Variants in RSPO2 observed in about 807,000 individuals in gnomAD.
RSPO2 encodes the protein R-spondin-2.
RSPO2 carries 14 observed loss-of-function variants against 30.9 expected under a neutral mutation model. That is an observed-to-expected ratio of 0.45 (90% confidence interval 0.30 to 0.71). The LOEUF is 0.71. Among genes scored for constraint, RSPO2 ranks in the 30% least tolerant of loss-of-function variants. RSPO2 has a pLI of 0.08. For missense variants in RSPO2, 264 were observed against 301.9 expected (o/e 0.87, Z 0.93); for synonymous variants, 107 against 96.4 (o/e 1.11, Z -0.64).
intron 2 of RSPO2, among the ~76,000 whole-genome samples, chr8:108,000,828 T>C (rs953735785): frequency 2.6e-5 from 4 of 152,098 alleles, no homozygotes; most frequent in South Asian, 2.1e-4. Flanking sequence ...AGTGAAACCC[T>C]GTCTCTACTA....
At chr8:107,987,815 T>A (rs1464071599) in intron 3 of RSPO2, among the ~76,000 whole-genome samples, 3 of 152,204 alleles carry the variant, frequency 2.0e-5, no homozygotes, top group Non-Finnish European at 4.4e-5. Flanking sequence ...TTCAAACTCT[T>A]CTCATCTAAA....
intron 2 of RSPO2, among the ~76,000 whole-genome samples, chr8:108,064,629 T>C (rs1224905288): frequency 6.6e-6 from 1 of 152,146 alleles, no homozygotes; most frequent in Non-Finnish European, 1.5e-5. Context: ...TCCTCAAGGA[T>C]CTAGAACTAG....
intron 2 of RSPO2, among the ~76,000 whole-genome samples, chr8:108,037,962 T>C (rs771251722): frequency 2.6e-5 from 4 of 152,158 alleles, no homozygotes; most frequent in Admixed American, 2.6e-4. Context: ...TAACACAAGA[T>C]CCATTATGTA....
At chr8:107,993,737 C>T (rs1221726620) in intron 2 of RSPO2, among the ~76,000 whole-genome samples, 1 of 152,148 alleles carries the variant, frequency 6.6e-6, no homozygotes, top group African/African-American at 2.4e-5. Flanking sequence ...ATCGTATCAG[C>T]AGGGCGTGCT....
intron 2 of RSPO2, among the ~76,000 whole-genome samples, chr8:108,027,671 A>G (rs556012149): frequency 6.6e-6 from 1 of 152,192 alleles, no homozygotes; most frequent in South Asian, 2.1e-4. Flanking sequence ...TTGAATTCTA[A>G]ATAACTCTTT....
chr8:108,045,757 T>C (rs1475800937), intron 2 of RSPO2, among the ~76,000 whole-genome samples: 1 of 152,146 alleles, frequency 6.6e-6, no homozygotes, highest in Non-Finnish European at 1.5e-5. Flanking sequence ...TACTGATACA[T>C]ACATCTGAAA....
At chr8:107,987,769 C>A (rs1237434693) in intron 3 of RSPO2, among the ~76,000 whole-genome samples, 1 of 152,170 alleles carries the variant, frequency 6.6e-6, no homozygotes, top group African/African-American at 2.4e-5. Context: ...CTAGTTCTGC[C>A]ACCTTCCAAA....
intron 5 of RSPO2, among the ~76,000 whole-genome samples, chr8:107,932,320 A>C (rs576460629): frequency 6.6e-6 from 1 of 152,274 alleles, no homozygotes; most frequent in South Asian, 2.1e-4. Context: ...ATAATCTCGG[A>C]GGAGTTTCGG....
chr8:107,985,767 T>C (rs1814602719), intron 3 of RSPO2, among the ~76,000 whole-genome samples: 1 of 152,208 alleles, frequency 6.6e-6, no homozygotes, highest in South Asian at 2.1e-4. Flanking sequence ...ACATCTAACA[T>C]AGTATCAGGG....
chr8:107,954,300 G>C (rs1308392656), intron 5 of RSPO2, among the ~76,000 whole-genome samples: 1 of 152,110 alleles, frequency 6.6e-6, no homozygotes, highest in Non-Finnish European at 1.5e-5. Flanking sequence ...TCTTCCATGT[G>C]TCATTTAAAT....
At chr8:108,036,912 C>A (rs1331236959) in intron 2 of RSPO2, among the ~76,000 whole-genome samples, 1 of 152,180 alleles carries the variant, frequency 6.6e-6, no homozygotes, top group African/African-American at 2.4e-5. Context: ...AAAAACTGCA[C>A]CCACATAAGA....
chr8:108,030,119 G>GAAA lies in RSPO2; in HGVS notation c.95-40878_95-40876dup, dbSNP rs11434221. ...GAAAGTAGGGTCCTGGGATAGATAGGAAAAAAAAAAAAAAAAAAAAAAAAG... is the reference window on the plus strand; with the variant it reads ...GAAAGTAGGGTCCTGGGATAGATAGGAAAAAAAAAAAAAAAAAAAAAAAAAAAG... On this transcript the variant is annotated intron_variant, in intron 2 of 5. Coordinates refer to ENST00000276659, the MANE Select transcript of RSPO2 (RefSeq NM_178565.5). 5.8e-3 allele frequency among the ~76,000 whole-genome samples: 409 copies of GAAA among 70,942 alleles called. 16 individuals are homozygous for GAAA. The highest frequency in any genetic ancestry group is 0.014 in the African/African-American group (281 of 20,022). 46.5% of individuals were successfully genotyped at this position (70,942 alleles called of 152,430 possible). A position where few individuals can be genotyped will look rare whatever the true frequency, so the allele number is the denominator to read the frequency against.
chr8:107,996,763 C>T (rs1815038432), intron 2 of RSPO2: 1 of 299,850 alleles, frequency 3.3e-6, no homozygotes, highest in South Asian at 2.8e-5. Flanking sequence ...TTTTATGTAT[C>T]AGGAGCCAAC....
chr8:107,983,591 A>G, intron 3 of RSPO2: 1 of 1,597,786 alleles, frequency 6.3e-7, no homozygotes, highest in Non-Finnish European at 8.6e-7. Context: ...ATTGGAAGTA[A>G]AGCCCCAAAA....
At chr8:108,003,314 T>G (rs2514829) in intron 2 of RSPO2, among the ~76,000 whole-genome samples, 1 of 22,468 alleles carries the variant, frequency 4.5e-5, no homozygotes, top group Non-Finnish European at 7.6e-5. Flanking sequence ...TATATATATT[T>G]TTTTTTTTTT....
intron 5 of RSPO2, among the ~76,000 whole-genome samples, chr8:107,913,669 A>G (rs1160742679): frequency 6.6e-6 from 1 of 152,192 alleles, no homozygotes; most frequent in Non-Finnish European, 1.5e-5. Flanking sequence ...TTGATACTAA[A>G]TATCTTTGTC....
chr8:107,958,308 A>C, intron 4 of RSPO2, 40 bp from the exon 5 acceptor site: 1 of 1,523,804 alleles, frequency 6.6e-7, no homozygotes, highest in Non-Finnish European at 9.1e-7. Flanking sequence ...AAACACAAGC[A>C]CATAAGTTAG....
intron 2 of RSPO2, among the ~76,000 whole-genome samples, chr8:108,009,656 C>G (rs1023116778): frequency 6.6e-6 from 1 of 152,168 alleles, no homozygotes; most frequent in African/African-American, 2.4e-5. Flanking sequence ...CAAAGTTTCT[C>G]AAGAAAAAGA....
rs1289590827 is a variant in RSPO2 at position 107,901,156 on chromosome 8, G to T, written c.651C>A (p.Asn217Lys). 3 of 1,613,668 alleles carry T rather than the reference G, an allele frequency of 1.9e-6. No homozygotes were observed. In the African/African-American group the frequency reaches 4.0e-5, roughly 22 times the overall value. The change falls in exon 6 of 6, where the codon AAC (asparagine) becomes AAA (lysine). Residue 217 changes from asparagine to lysine, a missense_variant. Transcript: ENST00000276659. Reference protein sequence around the residue: ...KRTPKAKEKRNKKKKRKLIER... With the variant: ...KRTPKAKEKRKKKKKRKLIER... ...CTATCAGCTTCCTTTTCTTTTTCTT[G>T]TTCCTCTTCTCCTTCGCCTTTGGTG... is the stretch of plus-strand genomic sequence containing the variant.
Sources: allele counts gnomAD v4.1 joint callset (sites outside exome capture counted in the v4.1 genomes callset), GRCh38; gene constraint gnomAD v4.1.1; transcripts MANE v1.5; gene names NCBI Gene and HGNC (gene_info 2026-07-23, HGNC 2026-07-21).